SLC2A14: variants seen among roughly 807,000 people sequenced by gnomAD.
SLC2A14 encodes the protein solute carrier family 2, facilitated glucose transporter member 14.
In SLC2A14, 13 loss-of-function variants were observed where a neutral mutation model predicts 43.0. The ratio of observed to expected loss-of-function variants is 0.30; its 90% CI spans 0.20 to 0.48. The LOEUF (loss-of-function observed/expected upper bound fraction) is 0.48, where lower values mean the gene tolerates loss of function less well. Among genes scored for constraint, SLC2A14 ranks in the 20% least tolerant of loss-of-function variants. SLC2A14 has a pLI of 0.99. For missense variants in SLC2A14, 428 were observed against 620.4 expected (o/e 0.69, Z 3.29); for synonymous variants, 190 against 233.8 (o/e 0.81, Z 1.71).
upstream of SLC2A14, among the ~76,000 whole-genome samples, chr12:7,875,135 T>TTAAATATTATATTTAAAATTAAATATA (rs1555148993): frequency 9.8e-3 from 1,076 of 109,394 alleles, 8 homozygotes; most frequent in Non-Finnish European, 0.014. Flanking sequence ...TTAAATATAT[T>TTAAATATTATATTTAAAATTAAATATA]TAAATATTAT....
chr12:7,827,137 T>G (rs74780803), intron 7 of SLC2A14, among the ~76,000 whole-genome samples: 3,648 of 149,462 alleles, frequency 0.024, 132 homozygotes, highest in African/African-American at 0.069. Flanking sequence ...CTATAAGGAG[T>G]TCTGCCCTGG....
chr12:7,823,609 A>ACT (rs1488073609), intron 7 of SLC2A14, among the ~76,000 whole-genome samples: 1 of 146,182 alleles, frequency 6.8e-6, no homozygotes, highest in Non-Finnish European at 1.5e-5. Flanking sequence ...AATCCCAGCT[A>ACT]CTCGGGAAGC....
intron 1 of SLC2A14, chr12:7,872,010 A>C (rs2121072229): frequency 1.8e-6 from 1 of 565,206 alleles, no homozygotes; most frequent in Middle Eastern, 8.9e-4. Context: ...CTATTTATTT[A>C]TCTGTAAAAT....
chr12:7,820,433 T>G (rs996154883), intron 8 of SLC2A14, among the ~76,000 whole-genome samples: 8 of 152,184 alleles, frequency 5.3e-5, no homozygotes, highest in Non-Finnish European at 7.4e-5. Context: ...CATCAGGAGT[T>G]GGGGGCAGTC....
At chr12:7,844,986 A>T (rs999038389) in intron 2 of SLC2A14, among the ~76,000 whole-genome samples, 2 of 152,210 alleles carry the variant, frequency 1.3e-5, no homozygotes, top group African/African-American at 4.8e-5. Context: ...TCACCATTTT[A>T]TAGGTGCAAA....
At chr12:7,885,042 A>T (rs960519999) in intron 1 of SLC2A14, among the ~76,000 whole-genome samples, 4 of 152,120 alleles carry the variant, frequency 2.6e-5, no homozygotes, top group African/African-American at 7.2e-5. Flanking sequence ...TCTCCAGTAG[A>T]CCTTAGAATT....
intron 7 of SLC2A14, among the ~76,000 whole-genome samples, chr12:7,826,834 T>TTCCC (rs1864398710): frequency 6.8e-5 from 2 of 29,568 alleles, no homozygotes; most frequent in African/African-American, 1.2e-4. Context: ...TCTTTCTTTC[T>TTCCC]TTCCTTCCTT....
intron 2 of SLC2A14, among the ~76,000 whole-genome samples, chr12:7,839,272 A>G (rs1865721223): frequency 7.1e-6 from 1 of 141,784 alleles, no homozygotes; most frequent in Admixed American, 7.4e-5. Context: ...ACTTGCACAG[A>G]AACCTGAATC....
intron 2 of SLC2A14, among the ~76,000 whole-genome samples, chr12:7,861,208 A>C (rs1489594289): frequency 6.6e-6 from 1 of 152,182 alleles, no homozygotes; most frequent in Non-Finnish European, 1.5e-5. Flanking sequence ...AAAAGGCACC[A>C]GAGCAACATT....
At chr12:7,871,645 A>G (rs1370887357) in intron 1 of SLC2A14, among the ~76,000 whole-genome samples, 1 of 152,012 alleles carries the variant, frequency 6.6e-6, no homozygotes, top group Non-Finnish European at 1.5e-5. Context: ...ATGGGCCTCC[A>G]GGACCTGGAG....
chr12:7,882,291 C>T (rs1387026270), intron 1 of SLC2A14, among the ~76,000 whole-genome samples: 2 of 151,962 alleles, frequency 1.3e-5, no homozygotes, highest in African/African-American at 4.8e-5. Flanking sequence ...TGAAGGTCTG[C>T]AGGTTCACTC....
chr12:7,887,560 GAT>G (rs1945707084), intron 1 of SLC2A14, among the ~76,000 whole-genome samples: 1 of 3,254 alleles, frequency 3.1e-4, no homozygotes. Context: ...AGATAAATCA[GAT>G]AGATAGATAG....
At chr12:7,824,345 G>C (rs938688510) in intron 7 of SLC2A14, among the ~76,000 whole-genome samples, 1 of 152,154 alleles carries the variant, frequency 6.6e-6, no homozygotes, top group African/African-American at 2.4e-5. Context: ...GTAATTACTT[G>C]AGCAGTTTAA....
intron 2 of SLC2A14, among the ~76,000 whole-genome samples, chr12:7,861,013 A>G (rs1441956851): frequency 6.6e-6 from 1 of 152,066 alleles, no homozygotes; most frequent in Non-Finnish European, 1.5e-5. Flanking sequence ...GCTGGTCTCA[A>G]ACTCCAGACC....
rs1465861655 is a variant in SLC2A14 at position 7,832,826 on chromosome 12, G to A, written c.19-12C>T. On this transcript the variant is annotated splice_polypyrimidine_tract_variant and intron_variant, in intron 2 of 10. Transcript: ENST00000431042. ...AGAGCTGGGGTGACCTGGAGAGACA[G>A]AGGACAGGGAGGAGAGAATAGTCCT... 2 of 1,612,008 alleles carry A rather than the reference G, an allele frequency of 1.2e-6. No homozygotes were observed. Among genetic ancestry groups the A allele is most frequent in the East Asian group, 4.5e-5 (2 of 44,866 alleles).
At chr12:7,844,755 C>T (rs1228479733) in intron 2 of SLC2A14, among the ~76,000 whole-genome samples, 4 of 152,026 alleles carry the variant, frequency 2.6e-5, no homozygotes, top group East Asian at 1.9e-4. Context: ...AGGCTGGTCT[C>T]GAACCCCTGA....
chr12:7,871,066 C>A, intron 1 of SLC2A14: 1 of 1,399,846 alleles, frequency 7.1e-7, no homozygotes. Flanking sequence ...TGAATACCTG[C>A]AGGGCATGAT....
At chr12:7,890,974 T>G in intron 1 of SLC2A14, 1 of 1,525,786 alleles carries the variant, frequency 6.6e-7, no homozygotes. Flanking sequence ...CCTTGAAGCA[T>G]GATCTATCTA....
rs545640842 is a variant in SLC2A14 at position 7,838,390 on chromosome 12, A to AT, written c.19-5577dup. On this transcript the variant is annotated intron_variant, in intron 2 of 10. Coordinates refer to ENST00000431042, the MANE Select transcript of SLC2A14 (RefSeq NM_001286234.2). ...TGTGAGCCAACGTGCCCGGTCCACA[A>AT]TTTTTTTTAAAAAATGGAATTTGCC... Among the ~76,000 whole-genome samples the AT allele has an allele frequency of 9.9e-3, 1,510 of 152,254 alleles. 24 individuals carry two copies. Among genetic ancestry groups the AT allele is most frequent in the Non-Finnish European group, 0.012 (789 of 68,022 alleles).
Sources: gnomAD v4.1 joint callset for allele counts (sites outside exome capture counted in the v4.1 genomes callset) on GRCh38, gnomAD v4.1.1 for gene constraint, MANE v1.5 for transcripts, NCBI Gene and HGNC (gene_info 2026-07-23, HGNC 2026-07-21) for gene names.